LDB2: variants seen among roughly 807,000 people sequenced by gnomAD.
The protein encoded by LDB2 is LIM domain-binding protein 2.
LDB2 carries 12 observed loss-of-function variants against 44.3 expected under a neutral mutation model. That is an observed-to-expected ratio of 0.27 (90% CI 0.17 to 0.44). LDB2 has a LOEUF of 0.44. LDB2 is among the 20% of genes least tolerant of loss of function. The pLI, the probability that LDB2 is intolerant of heterozygous loss-of-function variation, is 1.00. For missense variants in LDB2, 344 were observed against 473.5 expected, an observed-to-expected ratio of 0.73 and a Z score of 2.54; for synonymous variants, 164 against 174.8, an observed-to-expected ratio of 0.94 and a Z score of 0.49.
rs549451750 is a variant in LDB2, at chr4:16,526,275, C to T, written c.616-14171G>A. Among the ~76,000 whole-genome samples the T allele has an allele frequency of 1.9e-3, 284 of 152,328 alleles. 1 individual carries two copies. The highest frequency in any genetic ancestry group is 6.3e-3 in the African/African-American group (262 of 41,572). The stretch of plus-strand genomic sequence containing the variant: ...CTGGAGCTGGGACACCCTTCTTCTC[C>T]TGCCTTTGGACATCAGAACTTCAGG... On this transcript the variant is annotated intron_variant, in intron 5 of 7. Coordinates refer to ENST00000304523, the MANE Select transcript of LDB2 (RefSeq NM_001290.5).
intron 2 of LDB2, among the ~76,000 whole-genome samples, chr4:16,746,739 A>T (rs972870662): frequency 6.6e-6 from 1 of 152,214 alleles, no homozygotes; most frequent in Admixed American, 6.5e-5. Flanking sequence ...GTGAGTCTAG[A>T]TTGTGCCACT....
chr4:16,548,306 G>A (rs1160706942), intron 5 of LDB2, among the ~76,000 whole-genome samples: 1 of 152,104 alleles, frequency 6.6e-6, no homozygotes, highest in African/African-American at 2.4e-5. Context: ...CTTTCCTCCA[G>A]GTAGTCCCAT....
At chr4:16,505,719 G>T in intron 7 of LDB2, 5 of 888,234 alleles carry the variant, frequency 5.6e-6, no homozygotes, top group Non-Finnish European at 6.6e-6. Context: ...TCTGAGAGAG[G>T]TCCATATGCC....
intron 1 of LDB2, among the ~76,000 whole-genome samples, chr4:16,866,487 T>TGTGTG (rs1714741358): frequency 6.6e-6 from 1 of 152,158 alleles, no homozygotes; most frequent in Admixed American, 6.5e-5. Context: ...GAAAAGAGAA[T>TGTGTG]GTGTGGTCTA....
At chr4:16,566,299 G>T (rs1744498635) in intron 5 of LDB2, among the ~76,000 whole-genome samples, 2 of 152,006 alleles carry the variant, frequency 1.3e-5, no homozygotes, top group Non-Finnish European at 2.9e-5. Flanking sequence ...TAATAATTTA[G>T]CAAGTGTTAT....
chr4:16,541,710 G>A (rs963087252), intron 5 of LDB2, among the ~76,000 whole-genome samples: 1 of 152,100 alleles, frequency 6.6e-6, no homozygotes, highest in Admixed American at 6.6e-5. Flanking sequence ...TAGAACCAAT[G>A]CAAGAGAAGG....
intron 2 of LDB2, among the ~76,000 whole-genome samples, chr4:16,677,281 G>A (rs1009409456): frequency 7.9e-5 from 12 of 152,202 alleles, no homozygotes; most frequent in African/African-American, 2.9e-4. Context: ...AAGCTGCCAA[G>A]GGTCTTCTGA....
intron 2 of LDB2, among the ~76,000 whole-genome samples, chr4:16,712,615 C>T (rs1756160335): frequency 6.6e-6 from 1 of 151,956 alleles, no homozygotes; most frequent in African/African-American, 2.4e-5. Flanking sequence ...TGAAAAAATG[C>T]TCAACATCAT....
intron 1 of LDB2, among the ~76,000 whole-genome samples, chr4:16,771,586 T>C (rs1770703577): frequency 6.6e-6 from 1 of 152,138 alleles, no homozygotes; most frequent in African/African-American, 2.4e-5. Flanking sequence ...TTCTCTTCCA[T>C]CTCCATAATA....
At chr4:16,680,015 GC>G (rs1473670672) in intron 2 of LDB2, among the ~76,000 whole-genome samples, 1 of 152,144 alleles carries the variant, frequency 6.6e-6, no homozygotes, top group Non-Finnish European at 1.5e-5. Flanking sequence ...CTGTATTGAA[GC>G]CCTAATCCCC....
At chr4:16,701,238 A>G (rs115685795) in intron 2 of LDB2, among the ~76,000 whole-genome samples, 11 of 152,326 alleles carry the variant, frequency 7.2e-5, no homozygotes, top group Non-Finnish European at 1.3e-4. Context: ...CCTTCATAAC[A>G]AAGATATCAG....
chr4:16,763,620 T>C (rs535169893), intron 1 of LDB2, among the ~76,000 whole-genome samples: 1 of 152,346 alleles, frequency 6.6e-6, no homozygotes, highest in Admixed American at 6.5e-5. Context: ...AAGCTTATTA[T>C]GGAAAGAGCA....
intron 2 of LDB2, among the ~76,000 whole-genome samples, chr4:16,758,111 T>C (rs770729417): frequency 4.6e-5 from 7 of 152,186 alleles, no homozygotes; most frequent in Non-Finnish European, 8.8e-5. Context: ...ATCAGTTAAT[T>C]ATGCAATTGA....
intron 2 of LDB2, among the ~76,000 whole-genome samples, chr4:16,631,637 T>G (rs1731974930): frequency 6.6e-6 from 1 of 151,900 alleles, no homozygotes; most frequent in African/African-American, 2.4e-5. Flanking sequence ...AAAGAAACAA[T>G]AAATCCAGGA....
chr4:16,705,325 T>C (rs931239025), intron 2 of LDB2, among the ~76,000 whole-genome samples: 8 of 152,282 alleles, frequency 5.3e-5, no homozygotes, highest in South Asian at 4.1e-4. Flanking sequence ...AGGCAGGGTC[T>C]ATTTTTTCAC....
chr4:16,685,376 TTTTTG>T (rs1560875420), intron 2 of LDB2, among the ~76,000 whole-genome samples: 1 of 152,124 alleles, frequency 6.6e-6, no homozygotes, highest in Non-Finnish European at 1.5e-5. Context: ...TCTCAAGTTT[TTTTTG>T]TTTTGTTTTG....
At chr4:16,802,575 C>G (rs942195734) in intron 1 of LDB2, among the ~76,000 whole-genome samples, 2 of 152,184 alleles carry the variant, frequency 1.3e-5, no homozygotes, top group African/African-American at 4.8e-5. Context: ...AAAAGAAACA[C>G]TAGAAGAGAA....
At chr4:16,694,232 A>C (rs1015577536) in intron 2 of LDB2, among the ~76,000 whole-genome samples, 1 of 152,190 alleles carries the variant, frequency 6.6e-6, no homozygotes, top group Non-Finnish European at 1.5e-5. Flanking sequence ...CCTGACCCTG[A>C]TGGTTGCTTG....
At chr4:16,846,438 T>C (rs1185037033) in intron 1 of LDB2, among the ~76,000 whole-genome samples, 1 of 152,220 alleles carries the variant, frequency 6.6e-6, no homozygotes, top group Admixed American at 6.5e-5. Context: ...TCAAACTCTT[T>C]AGCAGAACAA....
Sources: allele counts gnomAD v4.1 joint callset (sites outside exome capture counted in the v4.1 genomes callset), GRCh38; gene constraint gnomAD v4.1.1; transcripts MANE v1.5; gene names NCBI Gene and HGNC (gene_info 2026-07-23, HGNC 2026-07-21).